ZNF804B: variants seen among roughly 807,000 people sequenced by gnomAD.
The protein encoded by ZNF804B is zinc finger protein 804B.
Under a neutral mutation model 101.4 loss-of-function variants are expected in ZNF804B, and 80 were observed. That is an observed-to-expected ratio of 0.79 (90% CI 0.66 to 0.95). ZNF804B has a LOEUF of 0.95. ZNF804B is among the 40% of genes least tolerant of loss of function. The probability of loss-of-function intolerance (pLI) is 0.00; values close to 1 mark genes in which losing one functional copy is unlikely to be tolerated. For missense variants in ZNF804B, 1,673 were observed against 1,561.9 expected (o/e 1.07, Z -1.20); for synonymous variants, 622 against 558.8 (o/e 1.11, Z -1.59).
intron 1 of ZNF804B, among the ~76,000 whole-genome samples, chr7:89,146,109 A>G (rs76151363): frequency 6.6e-6 from 1 of 152,082 alleles, no homozygotes. Flanking sequence ...CATTATTACT[A>G]TGAAACATCT....
At chr7:88,810,205 A>G (rs148004276) in intron 1 of ZNF804B, among the ~76,000 whole-genome samples, 1 of 151,640 alleles carries the variant, frequency 6.6e-6, no homozygotes, top group Non-Finnish European at 1.5e-5. Flanking sequence ...TCACACAGTC[A>G]TGCTTTTTTT....
chr7:88,987,054 TG>T (rs1793768771), intron 1 of ZNF804B, among the ~76,000 whole-genome samples: 1 of 152,088 alleles, frequency 6.6e-6, no homozygotes, highest in African/African-American at 2.4e-5. Flanking sequence ...AGTCTGATTT[TG>T]TTCTGCCTTT....
chr7:89,241,983 C>G (rs1198690220), intron 2 of ZNF804B, among the ~76,000 whole-genome samples: 1 of 151,402 alleles, frequency 6.6e-6, no homozygotes, highest in African/African-American at 2.4e-5. Context: ...CCTACTTATC[C>G]TGTAAAACTT....
At chr7:89,111,390 C>T (rs1423563421) in intron 1 of ZNF804B, among the ~76,000 whole-genome samples, 1 of 152,164 alleles carries the variant, frequency 6.6e-6, no homozygotes, top group Non-Finnish European at 1.5e-5. Flanking sequence ...ACCTCTCCAG[C>T]ATTTCGTGTC....
chr7:89,015,488 C>G (rs995363289), intron 1 of ZNF804B, among the ~76,000 whole-genome samples: 3 of 151,446 alleles, frequency 2.0e-5, no homozygotes, highest in African/African-American at 4.9e-5. Context: ...CCTCCCCGCT[C>G]CCCCCACCCC....
intron 1 of ZNF804B, among the ~76,000 whole-genome samples, chr7:88,769,412 C>T (rs1790030917): frequency 6.6e-6 from 1 of 152,126 alleles, no homozygotes; most frequent in African/African-American, 2.4e-5. Context: ...AATTTAGTGT[C>T]ACTTATCAAT....
At chr7:88,861,946 A>T (rs550552940) in intron 1 of ZNF804B, among the ~76,000 whole-genome samples, 1 of 152,160 alleles carries the variant, frequency 6.6e-6, no homozygotes, top group Non-Finnish European at 1.5e-5. Flanking sequence ...AGAGAAGTGA[A>T]TGCTGTGTTG....
intron 2 of ZNF804B, among the ~76,000 whole-genome samples, chr7:89,221,536 T>C (rs926448169): frequency 6.6e-6 from 1 of 151,890 alleles, no homozygotes; most frequent in African/African-American, 2.4e-5. Context: ...GTAGGAAGTA[T>C]TGAACTACCT....
chr7:88,896,544 T>C (rs1312986546), intron 1 of ZNF804B, among the ~76,000 whole-genome samples: 2 of 152,180 alleles, frequency 1.3e-5, no homozygotes, highest in Admixed American at 1.3e-4. Context: ...TTTTTATTTT[T>C]ATATTCATGT....
At chr7:89,291,266 C>G (rs2373872) in intron 2 of ZNF804B, among the ~76,000 whole-genome samples, 41,962 of 151,996 alleles carry the variant, frequency 0.28, 5,825 homozygotes, top group Non-Finnish European at 0.29. Context: ...TAGAAAATAT[C>G]ACCTCACCAA....
At chr7:88,794,527 G>A in intron 1 of ZNF804B, 1 of 1,613,602 alleles carries the variant, frequency 6.2e-7, no homozygotes, top group Non-Finnish European at 8.5e-7. Flanking sequence ...AAGCCTCATT[G>A]GAATGTTATG....
intron 2 of ZNF804B, among the ~76,000 whole-genome samples, chr7:89,221,691 T>TTTCTATTCTATTCTA (rs61397319): frequency 0.026 from 3,742 of 142,536 alleles, 75 homozygotes; most frequent in East Asian, 0.037. Context: ...TTCCTCAATA[T>TTTCTATTCTATTCTA]TTCTATTCTA....
chr7:89,335,171 G>C lies in ZNF804B; in HGVS notation c.2189G>C (p.Arg730Thr). The C allele has an allele frequency of 6.2e-7, 1 of 1,613,858 alleles. No individual in the cohort carries two copies. Among genetic ancestry groups the C allele is most frequent in the Non-Finnish European group, 8.5e-7 (1 of 1,179,918 alleles). ...TTGAGAAGTACTTGTTCAAGTCATA[G>C]ATTCAATGGTAATAGCAGAGGTAAT... ...SSLRSTCSSH[R>T]FNGNSRGNLL... Residue 730 changes from arginine to threonine, a missense_variant, in exon 4 of 4, where the codon AGA becomes ACA. Physicochemically the swap from Arg to Thr is moderately conservative, Grantham distance 71 (BLOSUM62 -1). Transcript: ENST00000333190.
At chr7:88,988,775 T>G (rs1024409632) in intron 1 of ZNF804B, among the ~76,000 whole-genome samples, 1 of 151,958 alleles carries the variant, frequency 6.6e-6, no homozygotes, top group South Asian at 2.1e-4. Context: ...AGAAGGAAGG[T>G]TAATATATGA....
At chr7:89,232,002 G>A (rs919583562) in intron 2 of ZNF804B, among the ~76,000 whole-genome samples, 8 of 152,090 alleles carry the variant, frequency 5.3e-5, no homozygotes, top group Non-Finnish European at 8.8e-5. Flanking sequence ...GTTCTGAATC[G>A]TAGGTAGAGA....
intron 2 of ZNF804B, among the ~76,000 whole-genome samples, chr7:89,265,291 T>TGCGC (rs1380868471): frequency 0.16 from 10,282 of 63,472 alleles, 985 homozygotes; most frequent in East Asian, 0.57. Flanking sequence ...TGTGTGTGTG[T>TGCGC]GTGCGCGTGC....
At chr7:89,229,230 G>A (rs952847924) in intron 2 of ZNF804B, among the ~76,000 whole-genome samples, 13 of 152,216 alleles carry the variant, frequency 8.5e-5, no homozygotes, top group Non-Finnish European at 1.9e-4. Flanking sequence ...GGAAGCCCAG[G>A]CAGAGGAGGC....
At chr7:89,193,256 C>G (rs2115620576) in intron 1 of ZNF804B, among the ~76,000 whole-genome samples, 1 of 139,972 alleles carries the variant, frequency 7.1e-6, no homozygotes, top group East Asian at 2.0e-4. Flanking sequence ...ACCCTATCAT[C>G]TCAGCCCAAA....
chr7:89,267,560 A>G (rs1413917816), intron 2 of ZNF804B, among the ~76,000 whole-genome samples: 1 of 152,094 alleles, frequency 6.6e-6, no homozygotes. Flanking sequence ...TATATATGGG[A>G]CCTGGAGTGA....
Sources: gnomAD v4.1 joint callset for allele counts (sites outside exome capture counted in the v4.1 genomes callset) on GRCh38, gnomAD v4.1.1 for gene constraint, MANE v1.5 for transcripts, NCBI Gene and HGNC (gene_info 2026-07-23, HGNC 2026-07-21) for gene names.